Variants in SGCZ observed in about 807,000 individuals in gnomAD.
SGCZ encodes sarcoglycan zeta.
A neutral mutation model predicts 41.3 loss-of-function variants in SGCZ; 40 were observed. The ratio of observed to expected loss-of-function variants is 0.97; its 90% CI spans 0.75 to 1.26. The LOEUF (loss-of-function observed/expected upper bound fraction) is 1.26. SGCZ is among the 50% of genes most tolerant of loss of function. SGCZ has a pLI of 0.00. For missense variants in SGCZ, 552 were observed against 369.8 expected (o/e 1.49, Z -4.04); for synonymous variants, 206 against 137.5 (o/e 1.50, Z -3.49).
chr8:14,442,642 T>A (rs1800305502), intron 2 of SGCZ, among the ~76,000 whole-genome samples: 1 of 152,188 alleles, frequency 6.6e-6, no homozygotes, highest in African/African-American at 2.4e-5. Flanking sequence ...GAGTTGATAC[T>A]TTCTGCTTTA....
At chr8:14,825,221 C>T (rs982514504) in intron 1 of SGCZ, among the ~76,000 whole-genome samples, 4 of 152,030 alleles carry the variant, frequency 2.6e-5, no homozygotes, top group African/African-American at 9.7e-5. Context: ...TAAAGAAAAC[C>T]TTTTATAGCT....
chr8:15,189,610 G>T (rs543349286), intron 1 of SGCZ, among the ~76,000 whole-genome samples: 6 of 151,524 alleles, frequency 4.0e-5, no homozygotes, highest in Non-Finnish European at 8.8e-5. Context: ...GCCCAGGCTA[G>T]AGCGCAATGG....
intron 1 of SGCZ, among the ~76,000 whole-genome samples, chr8:14,609,986 G>A (rs1331927806): frequency 6.6e-6 from 1 of 152,108 alleles, no homozygotes; most frequent in Non-Finnish European, 1.5e-5. Context: ...TCATATTTTT[G>A]TTACAAGTCT....
At chr8:14,978,690 A>C (rs2130876598) in intron 1 of SGCZ, among the ~76,000 whole-genome samples, 1 of 152,144 alleles carries the variant, frequency 6.6e-6, no homozygotes, top group Non-Finnish European at 1.5e-5. Flanking sequence ...TATGCTATGA[A>C]ATACCTTTCT....
intron 2 of SGCZ, among the ~76,000 whole-genome samples, chr8:14,483,334 C>T (rs563298104): frequency 6.6e-6 from 1 of 152,306 alleles, no homozygotes; most frequent in South Asian, 2.1e-4. Context: ...CTTTGGGAGG[C>T]ATAGGCAGGA....
At chr8:14,659,870 T>C (rs1258950372) in intron 1 of SGCZ, among the ~76,000 whole-genome samples, 1 of 152,156 alleles carries the variant, frequency 6.6e-6, no homozygotes, top group African/African-American at 2.4e-5. Context: ...GGAGTACCTA[T>C]TACAGGTCAC....
rs968922045 is a variant in SGCZ, at chr8:14,756,432, A to C, written c.40-201506T>G. Reference sequence around the variant, plus strand: ...ACTCCCGACCTCAGGTGATCCGCCCATCTGGGCCTCCCAAAGTGGTGGGAT... The same window carrying C: ...ACTCCCGACCTCAGGTGATCCGCCCCTCTGGGCCTCCCAAAGTGGTGGGAT... On this transcript the variant is annotated intron_variant, in intron 1 of 7. Transcript: ENST00000382080. Among the ~76,000 whole-genome samples, 21 of 152,096 alleles carry C rather than the reference A, an allele frequency of 1.4e-4. 1 individual carries two copies. Among genetic ancestry groups the C allele is most frequent in the Non-Finnish European group, 2.8e-4 (19 of 68,016 alleles).
intron 2 of SGCZ, among the ~76,000 whole-genome samples, chr8:14,550,218 A>G (rs1197015352): frequency 6.6e-6 from 1 of 152,014 alleles, no homozygotes; most frequent in African/African-American, 2.4e-5. Context: ...AGCAGTAAAT[A>G]AATGAATTAC....
At chr8:14,529,878 A>C (rs1803072688) in intron 2 of SGCZ, among the ~76,000 whole-genome samples, 1 of 152,116 alleles carries the variant, frequency 6.6e-6, no homozygotes, top group South Asian at 2.1e-4. Flanking sequence ...TTGTTGAAAC[A>C]CATTTCTAAA....
intron 1 of SGCZ, among the ~76,000 whole-genome samples, chr8:15,027,864 C>T (rs1803515729): frequency 6.6e-6 from 1 of 152,000 alleles, no homozygotes; most frequent in East Asian, 1.9e-4. Context: ...TTAGCTCTTC[C>T]TCTGTGTCTG....
intron 1 of SGCZ, among the ~76,000 whole-genome samples, chr8:14,714,468 C>T (rs751681361): frequency 1.9e-4 from 29 of 152,026 alleles, no homozygotes; most frequent in African/African-American, 3.1e-4. Context: ...CATGAATTTC[C>T]GAAAAGCTAT....
intron 1 of SGCZ, among the ~76,000 whole-genome samples, chr8:14,612,211 A>G (rs976418036): frequency 7.9e-5 from 12 of 151,990 alleles, no homozygotes; most frequent in Non-Finnish European, 1.5e-4. Context: ...TGTAATCCCC[A>G]TGTGTTGAGG....
intron 1 of SGCZ, among the ~76,000 whole-genome samples, chr8:15,175,122 A>G (rs1321565566): frequency 6.6e-6 from 1 of 152,166 alleles, no homozygotes; most frequent in African/African-American, 2.4e-5. Flanking sequence ...ACTAAAAATT[A>G]AAAATAAATT....
chr8:15,205,297 A>G (rs1801023883), intron 1 of SGCZ, among the ~76,000 whole-genome samples: 1 of 152,222 alleles, frequency 6.6e-6, no homozygotes, highest in Admixed American at 6.5e-5. Context: ...AGAAAAAGGA[A>G]CTATCAACAG....
intron 1 of SGCZ, among the ~76,000 whole-genome samples, chr8:14,653,402 C>A (rs191445182): frequency 6.6e-6 from 1 of 152,062 alleles, no homozygotes; most frequent in Non-Finnish European, 1.5e-5. Context: ...TAAATTAATC[C>A]TATATAGTGC....
intron 3 of SGCZ, among the ~76,000 whole-genome samples, chr8:14,278,779 A>G (rs1800320321): frequency 6.6e-6 from 1 of 152,086 alleles, no homozygotes; most frequent in South Asian, 2.1e-4. Flanking sequence ...ACCTCATAAA[A>G]AGAGGCTGGT....
At chr8:15,184,127 A>G (rs1290968021) in intron 1 of SGCZ, among the ~76,000 whole-genome samples, 1 of 152,184 alleles carries the variant, frequency 6.6e-6, no homozygotes, top group Non-Finnish European at 1.5e-5. Context: ...TGCAACAATT[A>G]TGTTTAAAAC....
chr8:14,546,386 G>A (rs1047693545), intron 2 of SGCZ, among the ~76,000 whole-genome samples: 10 of 152,170 alleles, frequency 6.6e-5, no homozygotes, highest in African/African-American at 2.4e-4. Flanking sequence ...CGTGGACAAT[G>A]AGTTACTACT....
At chr8:14,197,738 T>G (rs771835503) in intron 4 of SGCZ, among the ~76,000 whole-genome samples, 1 of 152,082 alleles carries the variant, frequency 6.6e-6, no homozygotes, top group Non-Finnish European at 1.5e-5. Flanking sequence ...GCTTTTCCCC[T>G]AAGTTTCAGT....
Sources: allele counts gnomAD v4.1 joint callset (sites outside exome capture counted in the v4.1 genomes callset), GRCh38; gene constraint gnomAD v4.1.1; transcripts MANE v1.5; gene names NCBI Gene and HGNC (gene_info 2026-07-23, HGNC 2026-07-21).